Variants in TENM2 observed in about 807,000 individuals in gnomAD.
TENM2 encodes teneurin transmembrane protein 2.
TENM2 carries 52 observed loss-of-function variants against 245.2 expected under a neutral mutation model. That is an observed-to-expected ratio of 0.21 (90% CI 0.17 to 0.27). The LOEUF is 0.27. Among genes scored for constraint, TENM2 ranks in the 10% least tolerant of loss-of-function variants. The pLI is 1.00. For synonymous variants in TENM2, 1,363 were observed against 1,438.9 expected, an observed-to-expected ratio of 0.95 and a Z score of 1.19; for missense variants, 3,046 against 3,666.8, an observed-to-expected ratio of 0.83 and a Z score of 4.37.
chr5:166,984,166 T>A, the TENM2 span, among the ~76,000 whole-genome samples: 1 of 152,150 alleles, frequency 6.6e-6, no homozygotes, highest in Non-Finnish European at 1.5e-5. Context: ...TTATGTACCT[T>A]GTAAAATAAA....
the TENM2 span, among the ~76,000 whole-genome samples, chr5:167,028,684 A>G: frequency 6.6e-6 from 1 of 152,280 alleles, no homozygotes; most frequent in South Asian, 2.1e-4. Flanking sequence ...AGCCATATTT[A>G]TGTATGCCAT....
At chr5:167,870,095 A>G (rs1465439132) in intron 2 of TENM2, among the ~76,000 whole-genome samples, 10 of 152,196 alleles carry the variant, frequency 6.6e-5, no homozygotes. Flanking sequence ...GCAATACTTA[A>G]CTTTAACACA....
chr5:168,093,389 C>T (rs1367114915), intron 8 of TENM2, among the ~76,000 whole-genome samples: 2 of 152,130 alleles, frequency 1.3e-5, no homozygotes, highest in African/African-American at 2.4e-5. Context: ...CTTGATGGAG[C>T]AATGATAGTA....
intron 1 of TENM2, among the ~76,000 whole-genome samples, chr5:167,299,388 A>G (rs1755170521): frequency 6.6e-6 from 1 of 152,186 alleles, no homozygotes; most frequent in African/African-American, 2.4e-5. Context: ...TACCCAGACT[A>G]AGAGGTATTT....
At chr5:168,001,199 C>T (rs544180325) in intron 5 of TENM2, among the ~76,000 whole-genome samples, 1 of 152,252 alleles carries the variant, frequency 6.6e-6, no homozygotes, top group East Asian at 1.9e-4. Context: ...TAATTGCCTC[C>T]GTTCCCAAAT....
chr5:167,627,858 G>A (rs1258568178), intron 2 of TENM2, among the ~76,000 whole-genome samples: 2 of 152,140 alleles, frequency 1.3e-5, no homozygotes, highest in South Asian at 2.1e-4. Flanking sequence ...CGCCTGGTCC[G>A]ACTCTACTTC....
chr5:167,545,758 T>C (rs966538710), intron 2 of TENM2, among the ~76,000 whole-genome samples: 1 of 152,222 alleles, frequency 6.6e-6, no homozygotes, highest in Non-Finnish European at 1.5e-5. Flanking sequence ...GCATTTTATC[T>C]TCCTAATTTG....
intron 7 of TENM2, among the ~76,000 whole-genome samples, chr5:168,077,762 A>C (rs1791610036): frequency 1.3e-5 from 2 of 152,096 alleles, no homozygotes; most frequent in South Asian, 4.2e-4. Flanking sequence ...TGAACTCATC[A>C]TTTTTTATGG....
At chr5:168,178,451 G>C (rs1272643895) in intron 13 of TENM2, among the ~76,000 whole-genome samples, 1 of 152,186 alleles carries the variant, frequency 6.6e-6, no homozygotes, top group East Asian at 1.9e-4. Flanking sequence ...TAACAGCAAA[G>C]TGGGGAGACA....
intron 2 of TENM2, among the ~76,000 whole-genome samples, chr5:167,459,955 ACACT>A (rs1199413052): frequency 8.6e-5 from 13 of 151,918 alleles, no homozygotes; most frequent in East Asian, 1.9e-4. Flanking sequence ...CACACAACAC[ACACT>A]CAAACGCATA....
chr5:167,643,274 C>G (rs779395330), intron 2 of TENM2, among the ~76,000 whole-genome samples: 1 of 152,198 alleles, frequency 6.6e-6, no homozygotes, highest in Admixed American at 6.5e-5. Context: ...CATTCCCACA[C>G]CCCGCCCTAG....
intron 2 of TENM2, among the ~76,000 whole-genome samples, chr5:167,420,496 A>T (rs1210703878): frequency 6.6e-6 from 1 of 151,882 alleles, no homozygotes. Context: ...CTTCTCACTC[A>T]CTCACTCACT....
the TENM2 span, among the ~76,000 whole-genome samples, chr5:167,097,511 G>A: frequency 2.8e-3 from 433 of 152,088 alleles, 1 homozygote; most frequent in African/African-American, 9.8e-3. Flanking sequence ...CCGGGCACTC[G>A]CCTGCAGGTA....
the TENM2 span, among the ~76,000 whole-genome samples, chr5:167,019,566 G>A: frequency 6.6e-6 from 1 of 152,078 alleles, no homozygotes; most frequent in African/African-American, 2.4e-5. Context: ...CATCTCCTGG[G>A]TTCAAGCAAT....
chr5:167,274,854 G>A, the TENM2 span, among the ~76,000 whole-genome samples: 1 of 151,684 alleles, frequency 6.6e-6, no homozygotes, highest in Admixed American at 6.6e-5. Context: ...GTATTGTTTA[G>A]AATTGTTTTA....
At position 167,550,638 on chromosome 5, in the gene TENM2, C is replaced by T. The variant is rs192769686; in HGVS notation, c.502+175165C>T. ...CTTACACTGACAACACCCCGGACAC[C>T]GCGTGCATCCCTGCAGGCTAGAGTA... is the stretch of plus-strand genomic sequence containing the variant. On this transcript the variant is annotated intron_variant, in intron 2 of 28. Transcript: ENST00000518659. 4.6e-5 allele frequency among the ~76,000 whole-genome samples: 7 copies of T among 151,482 alleles called. No individual in the cohort carries two copies. In the East Asian group the frequency reaches 1.2e-3, roughly 25 times the overall value.
the TENM2 span, among the ~76,000 whole-genome samples, chr5:167,005,872 G>A: frequency 2.0e-5 from 3 of 151,888 alleles, no homozygotes; most frequent in Admixed American, 6.6e-5. Context: ...ATGTTGGTCA[G>A]GCAGGTCTCA....
chr5:167,102,752 A>G, the TENM2 span, among the ~76,000 whole-genome samples: 1 of 152,186 alleles, frequency 6.6e-6, no homozygotes, highest in African/African-American at 2.4e-5. Context: ...TCCGCCTCCC[A>G]GGTTCATGCG....
At chr5:167,907,117 A>G (rs1776147037) in intron 3 of TENM2, among the ~76,000 whole-genome samples, 1 of 152,028 alleles carries the variant, frequency 6.6e-6, no homozygotes, top group Non-Finnish European at 1.5e-5. Flanking sequence ...CTGTAATCCC[A>G]GCTACTCGGG....
Sources: gnomAD v4.1 joint callset for allele counts (sites outside exome capture counted in the v4.1 genomes callset) on GRCh38, gnomAD v4.1.1 for gene constraint, MANE v1.5 for transcripts, NCBI Gene and HGNC (gene_info 2026-07-23, HGNC 2026-07-21) for gene names.